EP300: variants seen among roughly 807,000 people sequenced by gnomAD.
The protein encoded by EP300 is EP300 lysine acetyltransferase.
Under a neutral mutation model 264.0 loss-of-function variants are expected in EP300, and 31 were observed. The observed-to-expected ratio is 0.12, with a 90% CI of 0.09 to 0.16. The LOEUF (loss-of-function observed/expected upper bound fraction) is 0.16, where lower values mean the gene tolerates loss of function less well. Among genes scored for constraint, EP300 ranks in the 10% least tolerant of loss-of-function variants. The pLI, the probability that EP300 is intolerant of heterozygous loss-of-function variation, is 1.00. For synonymous variants in EP300, 1,340 were observed against 1,045.4 expected (o/e 1.28, Z -5.44); for missense variants, 2,766 against 3,052.9 (o/e 0.91, Z 2.21).
At chr22:41,160,920 T>C (rs1255652438) in intron 20 of EP300, among the ~76,000 whole-genome samples, 198 bp downstream of exon 20, 1 of 152,246 alleles carries the variant, frequency 6.6e-6, no homozygotes, top group Non-Finnish European at 1.5e-5. Flanking sequence ...TCAGTAGCTA[T>C]CTGTGTCTGG....
chr22:41,135,712 A>G (rs749318519), intron 6 of EP300, 101 bp from the exon 7 acceptor site: 57 of 924,368 alleles, frequency 6.2e-5, no homozygotes, highest in Non-Finnish European at 9.6e-5. Flanking sequence ...TATGCTGCAA[A>G]TTTTTTTTCT....
intron 19 of EP300, chr22:41,158,870 C>G: frequency 4.1e-6 from 1 of 246,888 alleles, no homozygotes; most frequent in Non-Finnish European, 8.1e-6. Context: ...CGCTAGACAG[C>G]TTTTTGGAAA....
intron 2 of EP300, among the ~76,000 whole-genome samples, chr22:41,125,643 A>G (rs534737205): frequency 1.1e-4 from 17 of 152,188 alleles, no homozygotes; most frequent in East Asian, 5.8e-4. Context: ...TAGCCTTCCA[A>G]TTAGCTGGGA....
chr22:41,095,526 C>G (rs1216207786), intron 1 of EP300, among the ~76,000 whole-genome samples: 1 of 151,766 alleles, frequency 6.6e-6, no homozygotes, highest in Non-Finnish European at 1.5e-5. Context: ...GCCGCCCGGC[C>G]AGAGGTACCA....
rs2059233223 is a variant in EP300 at position 41,179,896 on chromosome 22, AC to A, written c.*941del. 1 of 170,382 alleles carries A rather than the reference AC, an allele frequency of 5.9e-6. No homozygotes were observed. The highest frequency in any genetic ancestry group is 7.6e-5 in the Admixed American group (1 of 13,232). The allele number at this position is 170,382 out of a possible 1,614,324, so 10.6% of individuals were successfully genotyped here. On this transcript the variant is annotated 3_prime_UTR_variant, in exon 31 of 31. Transcript: ENST00000263253. ...ACCCCCCACTCACACACACACACAC[AC>A]ACACACACACACACACACACACACA...
intron 1 of EP300, among the ~76,000 whole-genome samples, chr22:41,097,495 A>G (rs1210761051): frequency 1.3e-5 from 2 of 152,220 alleles, no homozygotes; most frequent in African/African-American, 4.8e-5. Flanking sequence ...GCAAAGTGGT[A>G]TTTGTAGGGA....
intron 1 of EP300, among the ~76,000 whole-genome samples, chr22:41,111,981 G>C (rs567366803): frequency 1.5e-5 from 2 of 132,860 alleles, no homozygotes; most frequent in Non-Finnish European, 3.1e-5. Context: ...TCCGCCTCCC[G>C]GGTTCACGCC....
intron 2 of EP300, among the ~76,000 whole-genome samples, chr22:41,120,216 T>C (rs1175905799): frequency 1.3e-5 from 2 of 152,306 alleles, no homozygotes; most frequent in East Asian, 1.9e-4. Context: ...TTTTAAGTTA[T>C]GTAGGTTTAG....
chr22:41,096,918 T>C (rs757483024), intron 1 of EP300, among the ~76,000 whole-genome samples: 1 of 152,200 alleles, frequency 6.6e-6, no homozygotes, highest in African/African-American at 2.4e-5. Context: ...CATGCCCGGC[T>C]GTCAGCTCTA....
chr22:41,125,453 A>C (rs1218160859), intron 2 of EP300, among the ~76,000 whole-genome samples: 1 of 150,706 alleles, frequency 6.6e-6, no homozygotes, highest in Non-Finnish European at 1.5e-5. Flanking sequence ...TTTGGTACCG[A>C]TGGGTTTTCA....
At chr22:41,117,866 G>T (rs369487347) in intron 2 of EP300, 45 bp downstream of exon 2, 4 of 1,611,962 alleles carry the variant, frequency 2.5e-6, no homozygotes, top group Non-Finnish European at 3.4e-6. Flanking sequence ...ATGCATGTGA[G>T]TATTGTCATG....
intron 6 of EP300, among the ~76,000 whole-genome samples, chr22:41,135,214 C>T (rs1246930493): frequency 6.6e-6 from 1 of 152,116 alleles, no homozygotes; most frequent in East Asian, 1.9e-4. Flanking sequence ...TCTCCCATTC[C>T]ATGTTACGCA....
rs2076578 is a variant in EP300 at position 41,173,605 on chromosome 22, C to T, written c.4618-18C>T. 524,803 of 1,612,728 alleles carry T rather than the reference C, an allele frequency of 0.33. 89,999 individuals carry two copies. Among genetic ancestry groups the T allele is most frequent in the East Asian group, 0.54 (24,257 of 44,852 alleles). ...AACAAAAACCTTATTTTCTTGTCTC[C>T]TTTGTGCTACTCTGCAGGTGACCAA... On this transcript the variant is annotated intron_variant, in intron 28 of 30. Coordinates refer to ENST00000263253, the MANE Select transcript of EP300 (RefSeq NM_001429.4).
At position 41,178,437 on chromosome 22, in the gene EP300, A is replaced by C; in HGVS notation, c.6726A>C (p.Ile2242=). The C allele has an allele frequency of 3.1e-6, 5 of 1,614,156 alleles. No individual in the cohort carries two copies. Among genetic ancestry groups the C allele is most frequent in the Non-Finnish European group, 4.2e-6 (5 of 1,180,036 alleles). ...QQMQQGNMGQ[I]GQLPQALGAE... ...TGCAACAAGGAAATATGGGACAGATAGGCCAGCTTCCCCAGGCCTTGGGAG... is the reference window on the plus strand; with the variant it reads ...TGCAACAAGGAAATATGGGACAGATCGGCCAGCTTCCCCAGGCCTTGGGAG... Residue 2242 remains isoleucine, a synonymous_variant, in exon 31 of 31, where the codon ATA becomes ATC. Transcript: ENST00000263253.
intron 22 of EP300, among the ~76,000 whole-genome samples, chr22:41,166,330 A>AAT (rs2059134006): frequency 6.6e-6 from 1 of 152,118 alleles, no homozygotes; most frequent in Non-Finnish European, 1.5e-5. Flanking sequence ...CATTAGCAAA[A>AAT]CCTATCTTGA....
At position 41,127,480 on chromosome 22, in the gene EP300, C is replaced by T. The variant is rs375603503; in HGVS notation, c.907-7C>T. ...CCTACCATTAAATATATTGTTATATCTCTCAGGGTCAACAGCCAGCCCCGC... is the reference window on the plus strand; with the variant it reads ...CCTACCATTAAATATATTGTTATATTTCTCAGGGTCAACAGCCAGCCCCGC... On this transcript the variant is annotated splice_region_variant and splice_polypyrimidine_tract_variant and intron_variant, in intron 3 of 30. Coordinates refer to ENST00000263253, the MANE Select transcript of EP300 (RefSeq NM_001429.4). The T allele has an allele frequency of 4.3e-6, 7 of 1,613,912 alleles. No individual in the cohort carries two copies. Among genetic ancestry groups the T allele is most frequent in the Non-Finnish European group, 5.9e-6 (7 of 1,179,992 alleles).
chr22:41,096,239 G>A (rs2058700947), intron 1 of EP300, among the ~76,000 whole-genome samples: 1 of 152,090 alleles, frequency 6.6e-6, no homozygotes, highest in South Asian at 2.1e-4. Flanking sequence ...GTTAATGTTA[G>A]GCAAATCCTG....
At chr22:41,152,856 C>G (rs2059055099) in intron 16 of EP300, among the ~76,000 whole-genome samples, 1 of 152,074 alleles carries the variant, frequency 6.6e-6, no homozygotes, top group Non-Finnish European at 1.5e-5. Context: ...CTCCCAGGTT[C>G]AAGCGATTCT....
intron 10 of EP300, among the ~76,000 whole-genome samples, chr22:41,142,394 G>T (rs2058987781): frequency 6.6e-6 from 1 of 152,158 alleles, no homozygotes; most frequent in African/African-American, 2.4e-5. Context: ...AAGTGTGCCA[G>T]GTACTGTTTT....
Sources: gnomAD v4.1 joint callset for allele counts (sites outside exome capture counted in the v4.1 genomes callset) on GRCh38, gnomAD v4.1.1 for gene constraint, MANE v1.5 for transcripts, NCBI Gene and HGNC (gene_info 2026-07-23, HGNC 2026-07-21) for gene names.